The following NAV3 variants were observed in gnomAD, a reference collection of about 807,000 sequenced individuals.
NAV3 encodes the protein pore membrane and/or filament interacting like protein 1.
NAV3 carries 87 observed loss-of-function variants against 244.7 expected under a neutral mutation model. The ratio of observed to expected loss-of-function variants is 0.36; its 90% CI spans 0.30 to 0.42. The LOEUF is 0.42. Among genes scored for constraint, NAV3 ranks in the 20% least tolerant of loss-of-function variants. NAV3 has a pLI of 1.00. For missense variants in NAV3, 2,663 were observed against 2,893.3 expected, an observed-to-expected ratio of 0.92 and a Z score of 1.83; for synonymous variants, 1,126 against 1,042.2, an observed-to-expected ratio of 1.08 and a Z score of -1.55.
intron 1 of NAV3, among the ~76,000 whole-genome samples, chr12:77,937,726 C>T (rs1889459891): frequency 6.6e-6 from 1 of 152,124 alleles, no homozygotes. Context: ...GCAATTACTA[C>T]AATTTCTTTA....
chr12:77,576,124 C>A (rs1031256217), intron 2 of NAV3, among the ~76,000 whole-genome samples: 1 of 152,032 alleles, frequency 6.6e-6, no homozygotes, highest in Non-Finnish European at 1.5e-5. Context: ...ATCTGTCCTT[C>A]CGTCCTTCTA....
intron 5 of NAV3, among the ~76,000 whole-genome samples, chr12:77,993,068 C>G (rs922196409): frequency 6.6e-6 from 1 of 152,120 alleles, no homozygotes; most frequent in African/African-American, 2.4e-5. Flanking sequence ...ACACATGGAC[C>G]ATAAAATGAA....
intron 12 of NAV3, among the ~76,000 whole-genome samples, chr12:78,078,375 CTTTTTTTTTTTTTTTTTTTTTTTTT>C (rs71088356): frequency 8.8e-5 from 6 of 67,808 alleles, no homozygotes; most frequent in East Asian, 4.3e-4. Context: ...TCTTTCCACT[CTTTTTTTTTTTTTTTTTTTTTTTTT>C]TTTTTTTTTT....
At chr12:77,951,185 A>C (rs1025657938) in intron 3 of NAV3, among the ~76,000 whole-genome samples, 4 of 152,226 alleles carry the variant, frequency 2.6e-5, no homozygotes, top group African/African-American at 2.4e-5. Context: ...CAAAGGGCTA[A>C]TATCCAGAAT....
At chr12:77,707,076 T>G (rs1875854246) in intron 2 of NAV3, among the ~76,000 whole-genome samples, 1 of 151,840 alleles carries the variant, frequency 6.6e-6, no homozygotes. Flanking sequence ...TTTCTTTCTT[T>G]TTTTTTAATT....
chr12:78,000,814 T>A (rs1475186516), intron 7 of NAV3, among the ~76,000 whole-genome samples: 1 of 150,296 alleles, frequency 6.7e-6, no homozygotes, highest in Non-Finnish European at 1.5e-5. Context: ...AAACATTTTA[T>A]AAAAATACAA....
intron 2 of NAV3, among the ~76,000 whole-genome samples, chr12:77,692,427 C>T (rs1051712302): frequency 1.3e-5 from 2 of 151,880 alleles, no homozygotes; most frequent in Non-Finnish European, 2.9e-5. Flanking sequence ...CCTTTCTAGC[C>T]CTCAGTTTGT....
At position 77,808,254 on chromosome 12, in the gene NAV3, C is replaced by A. The variant is rs200320793; in HGVS notation, c.73-132065C>A. ...TTGTGATCCTTTGGAGGAGAAGAAG[C>A]GTTCTGGTTTTTGGAATTTTCTGCC... On this transcript the variant is annotated intron_variant, in intron 2 of 8. Transcript: ENST00000550042. Among the ~76,000 whole-genome samples, 9 of 152,214 alleles carry A rather than the reference C, an allele frequency of 5.9e-5. No individual in the cohort carries two copies. The East Asian group carries it at 1.7e-3, about 30-fold the overall frequency.
chr12:77,993,984 T>C (rs1871888093), intron 5 of NAV3, among the ~76,000 whole-genome samples: 2 of 120,052 alleles, frequency 1.7e-5, no homozygotes, highest in Admixed American at 8.2e-5. Context: ...TCCAGAACTC[T>C]TAGGTAACGC....
intron 1 of NAV3, among the ~76,000 whole-genome samples, chr12:77,904,110 A>G (rs539920061): frequency 3.9e-5 from 6 of 152,354 alleles, no homozygotes; most frequent in African/African-American, 1.2e-4. Flanking sequence ...ATCTAGAACT[A>G]GAATTACCAT....
intron 2 of NAV3, among the ~76,000 whole-genome samples, chr12:77,809,307 C>T (rs1872163953): frequency 6.6e-6 from 1 of 152,180 alleles, no homozygotes; most frequent in Non-Finnish European, 1.5e-5. Context: ...GGTGTAGGCA[C>T]CTGAGGAAAT....
At chr12:78,147,160 A>G (rs1342979841) in intron 21 of NAV3, among the ~76,000 whole-genome samples, 2 of 152,092 alleles carry the variant, frequency 1.3e-5, no homozygotes, top group African/African-American at 4.8e-5. Flanking sequence ...AATTTGTGCT[A>G]TGTTTAAAAA....
chr12:77,949,273 G>A lies in NAV3; in HGVS notation c.414+8140G>A, dbSNP rs17044589. On this transcript the variant is annotated intron_variant, in intron 3 of 39. Transcript: ENST00000397909. ...TGGTATATACCTAGTGCTGTGCTAG[G>A]TGTTTTGCTTATGCTTTTCATTTAG... is the stretch of plus-strand genomic sequence containing the variant. Among the ~76,000 whole-genome samples, 1,255 of 152,072 alleles carry A rather than the reference G, an allele frequency of 8.3e-3. 7 individuals carry two copies. The highest frequency in any genetic ancestry group is 0.014 in the Non-Finnish European group (984 of 67,920).
intron 2 of NAV3, among the ~76,000 whole-genome samples, chr12:77,747,488 A>T (rs980287147): frequency 6.6e-6 from 1 of 152,184 alleles, no homozygotes; most frequent in Admixed American, 6.5e-5. Context: ...TTCCTCAGGG[A>T]TGTAGAACTA....
At chr12:78,151,525 A>T (rs1424362437) in intron 22 of NAV3, among the ~76,000 whole-genome samples, 1 of 152,058 alleles carries the variant, frequency 6.6e-6, no homozygotes, top group Non-Finnish European at 1.5e-5. Flanking sequence ...GAAAAAAGAC[A>T]GTTATAGAAG....
chr12:77,580,070 C>T (rs73133966), intron 2 of NAV3, among the ~76,000 whole-genome samples: 6,770 of 152,150 alleles, frequency 0.044, 278 homozygotes, highest in African/African-American at 0.099. Context: ...CCCAGCAGTG[C>T]TAGTGTTGAA....
intron 12 of NAV3, among the ~76,000 whole-genome samples, chr12:78,086,818 A>C (rs1030192484): frequency 6.6e-6 from 1 of 151,970 alleles, no homozygotes; most frequent in Non-Finnish European, 1.5e-5. Context: ...CAATCATTAC[A>C]TGTCCTCATC....
chr12:77,897,508 C>T lies in NAV3; in HGVS notation c.244-42811C>T, dbSNP rs145085479. On this transcript the variant is annotated intron_variant, in intron 1 of 39. Coordinates refer to ENST00000397909, the MANE Select transcript of NAV3 (RefSeq NM_001024383.2). ...CATGAACAAAGAGGTCTTTTCCTTG[C>T]CAGACCTTGGTTGTACTTCTGTTGG... Among the ~76,000 whole-genome samples the T allele has an allele frequency of 3.5e-3, 537 of 152,214 alleles. 2 individuals are homozygous for T. Among genetic ancestry groups the T allele is most frequent in the Non-Finnish European group, 5.9e-3 (398 of 68,002 alleles).
chr12:77,603,831 G>T (rs139561169), intron 2 of NAV3, among the ~76,000 whole-genome samples: 1 of 152,068 alleles, frequency 6.6e-6, no homozygotes, highest in African/African-American at 2.4e-5. Context: ...GAAAGAAGCC[G>T]GTACAAAGGG....
Sources: allele counts gnomAD v4.1 joint callset (sites outside exome capture counted in the v4.1 genomes callset), GRCh38; gene constraint gnomAD v4.1.1; transcripts MANE v1.5; gene names NCBI Gene and HGNC (gene_info 2026-07-23, HGNC 2026-07-21).